The following TTLL11 variants were observed in gnomAD, a reference collection of about 807,000 sequenced individuals.
TTLL11 encodes the protein tubulin polyglutamylase TTLL11.
TTLL11 carries 42 observed loss-of-function variants against 51.7 expected under a neutral mutation model. The ratio of observed to expected loss-of-function variants is 0.81; its 90% CI spans 0.64 to 1.05. TTLL11 has a LOEUF of 1.05. Among genes scored for constraint, TTLL11 ranks in the 50% least tolerant of loss-of-function variants. The probability of loss-of-function intolerance (pLI) is 0.00; values close to 1 mark genes in which losing one functional copy is unlikely to be tolerated. For synonymous variants in TTLL11, 381 were observed against 383.5 expected, an observed-to-expected ratio of 0.99 and a Z score of 0.08; for missense variants, 799 against 940.4, an observed-to-expected ratio of 0.85 and a Z score of 1.97.
intron 7 of TTLL11, among the ~76,000 whole-genome samples, chr9:121,867,458 C>T (rs1049250188): frequency 6.6e-6 from 1 of 152,148 alleles, no homozygotes; most frequent in African/African-American, 2.4e-5. Context: ...GTGATTCTTA[C>T]CATAAGCAAT....
chr9:122,061,678 C>T (rs1845437108), intron 1 of TTLL11, among the ~76,000 whole-genome samples: 1 of 151,974 alleles, frequency 6.6e-6, no homozygotes, highest in Admixed American at 6.6e-5. Context: ...CACTCCGTCG[C>T]CCAGGCTGGA....
At chr9:121,973,173 C>T (rs377222306) in intron 6 of TTLL11, among the ~76,000 whole-genome samples, 5 of 152,094 alleles carry the variant, frequency 3.3e-5, no homozygotes, top group Admixed American at 2.6e-4. Flanking sequence ...GGAGGGAGGG[C>T]GAAGCACATA....
rs1836391979 is a variant in TTLL11, at chr9:121,815,889, G to C, written c.*6698C>G. On this transcript the variant is annotated 3_prime_UTR_variant, in exon 9 of 9. Coordinates refer to ENST00000321582, the MANE Select transcript of TTLL11 (RefSeq NM_001139442.2). ...GAGCGGAGGGGGCTGGAGCACGTGG[G>C]GCCTCTCACCAGACCTCCAGGAGCC... The C allele has an allele frequency of 6.6e-6, 1 of 152,172 alleles. No homozygotes were observed. Among genetic ancestry groups the C allele is most frequent in the Non-Finnish European group, 1.5e-5 (1 of 68,036 alleles). 9.4% of individuals were successfully genotyped at this position (152,172 alleles called of 1,614,324 possible). A position where few individuals can be genotyped will look rare whatever the true frequency, so the allele number is the denominator to read the frequency against.
At chr9:122,041,856 G>T (rs897188890) in intron 1 of TTLL11, among the ~76,000 whole-genome samples, 4 of 151,566 alleles carry the variant, frequency 2.6e-5, no homozygotes, top group African/African-American at 9.7e-5. Context: ...ACCTAAAATG[G>T]TCTACAGATG....
At chr9:121,854,422 G>GT (rs911419881) in intron 8 of TTLL11, among the ~76,000 whole-genome samples, 1 of 152,194 alleles carries the variant, frequency 6.6e-6, no homozygotes, top group African/African-American at 2.4e-5. Context: ...TCCACAGTCA[G>GT]TTTTTTCTTC....
rs558303981 is a variant in TTLL11, at chr9:122,020,691, G to A, written c.693+11032C>T. On this transcript the variant is annotated intron_variant, in intron 3 of 8. Coordinates refer to ENST00000321582, the MANE Select transcript of TTLL11 (RefSeq NM_001139442.2). ...GGTTTTAAGAGGTAGGCTCTTTGGAGGGCAATTAGAGCATGGAGGTGGACC... is the reference window on the plus strand; with the variant it reads ...GGTTTTAAGAGGTAGGCTCTTTGGAAGGCAATTAGAGCATGGAGGTGGACC... Among the ~76,000 whole-genome samples, 132 of 152,346 alleles carry A rather than the reference G, an allele frequency of 8.7e-4. 1 individual carries two copies. Among genetic ancestry groups the A allele is most frequent in the East Asian group, 2.7e-3 (14 of 5,182 alleles).
intron 8 of TTLL11, among the ~76,000 whole-genome samples, chr9:121,858,769 GT>G (rs1354457099): frequency 6.6e-6 from 1 of 152,238 alleles, no homozygotes; most frequent in Non-Finnish European, 1.5e-5. Context: ...AGCAGGGATT[GT>G]TGGCGCCATT....
intron 8 of TTLL11, among the ~76,000 whole-genome samples, chr9:121,848,297 AT>A (rs1012577952): frequency 6.2e-4 from 95 of 152,350 alleles, no homozygotes; most frequent in Non-Finnish European, 7.8e-4. Flanking sequence ...CTACAAAAAA[AT>A]CTTATAGTTT....
chr9:121,982,873 C>T (rs1444645071), intron 4 of TTLL11, among the ~76,000 whole-genome samples: 1 of 152,120 alleles, frequency 6.6e-6, no homozygotes, highest in Non-Finnish European at 1.5e-5. Context: ...AGACAAGGGG[C>T]AGATGGCGCT....
chr9:122,078,531 G>C (rs1210124449), intron 1 of TTLL11, among the ~76,000 whole-genome samples: 1 of 152,236 alleles, frequency 6.6e-6, no homozygotes, highest in Non-Finnish European at 1.5e-5. Flanking sequence ...TGTGGTGTCA[G>C]TAGTGCATAA....
At chr9:121,907,276 C>T (rs1368806535) in intron 6 of TTLL11, among the ~76,000 whole-genome samples, 1 of 151,728 alleles carries the variant, frequency 6.6e-6, no homozygotes, top group Non-Finnish European at 1.5e-5. Flanking sequence ...ATGGTGAAAC[C>T]CCTTCTCTAC....
chr9:121,876,118 C>T (rs1838553581), intron 6 of TTLL11, among the ~76,000 whole-genome samples: 2 of 152,224 alleles, frequency 1.3e-5, no homozygotes, highest in African/African-American at 4.8e-5. Context: ...CTTTCCCAAG[C>T]TCACCCAATC....
chr9:121,926,662 C>T (rs550634191), intron 6 of TTLL11, among the ~76,000 whole-genome samples: 13 of 152,302 alleles, frequency 8.5e-5, no homozygotes, highest in South Asian at 2.1e-4. Flanking sequence ...TCAACAAGGC[C>T]GTCTCCTCTC....
chr9:122,030,716 G>A (rs1365345940), intron 3 of TTLL11, among the ~76,000 whole-genome samples: 1 of 145,976 alleles, frequency 6.9e-6, no homozygotes, highest in Non-Finnish European at 1.5e-5. Flanking sequence ...GAGGTCAGGA[G>A]ATCGAGACCA....
chr9:122,056,857 T>A (rs141808500), intron 1 of TTLL11, among the ~76,000 whole-genome samples: 5 of 152,070 alleles, frequency 3.3e-5, no homozygotes, highest in South Asian at 4.2e-4. Context: ...GGAGAAAAAA[T>A]TAACTTTTAG....
intron 7 of TTLL11, among the ~76,000 whole-genome samples, chr9:121,862,966 G>C (rs1838060507): frequency 6.6e-6 from 1 of 152,116 alleles, no homozygotes; most frequent in Non-Finnish European, 1.5e-5. Flanking sequence ...ACAGTGGCTG[G>C]GCATGTGCCC....
chr9:121,852,648 G>A (rs185411262), intron 8 of TTLL11, among the ~76,000 whole-genome samples: 1 of 152,286 alleles, frequency 6.6e-6, no homozygotes, highest in African/African-American at 2.4e-5. Context: ...CCGACAAAGG[G>A]GCAGCGGGTG....
chr9:121,942,578 A>C (rs1024583522), intron 6 of TTLL11, among the ~76,000 whole-genome samples: 4 of 141,006 alleles, frequency 2.8e-5, no homozygotes, highest in Non-Finnish European at 6.1e-5. Flanking sequence ...TGAATGAATA[A>C]ACAGGGATGT....
rs531782579 is a variant in TTLL11 at position 121,964,001 on chromosome 9, C to T, written c.1481+10008G>A. 1.3e-3 allele frequency among the ~76,000 whole-genome samples: 200 copies of T among 152,138 alleles called. 1 individual carries two copies. The highest frequency in any genetic ancestry group is 2.4e-3 in the Admixed American group (37 of 15,278). On this transcript the variant is annotated intron_variant, in intron 6 of 8. Coordinates refer to ENST00000321582, the MANE Select transcript of TTLL11 (RefSeq NM_001139442.2). Reference sequence around the variant, plus strand: ...CTCCAACGATAATAGGATGACAGTTCGGTTCTTCACTTTTTGAAAATATGA... The same window carrying T: ...CTCCAACGATAATAGGATGACAGTTTGGTTCTTCACTTTTTGAAAATATGA...
Sources: gnomAD v4.1 joint callset for allele counts (sites outside exome capture counted in the v4.1 genomes callset) on GRCh38, gnomAD v4.1.1 for gene constraint, MANE v1.5 for transcripts, NCBI Gene and HGNC (gene_info 2026-07-23, HGNC 2026-07-21) for gene names.